KIAA1217: variants seen among roughly 807,000 people sequenced by gnomAD.
KIAA1217 encodes KIAA1217.
In KIAA1217, 88 loss-of-function variants were observed where a neutral mutation model predicts 163.9. The observed-to-expected ratio is 0.54, with a 90% CI of 0.45 to 0.64. The LOEUF is 0.64. KIAA1217 is among the 30% of genes least tolerant of loss of function. The probability of loss-of-function intolerance (pLI) is 0.00; values close to 1 mark genes in which losing one functional copy is unlikely to be tolerated. For missense variants in KIAA1217, 2,372 were observed against 2,475.0 expected, an observed-to-expected ratio of 0.96 and a Z score of 0.88; for synonymous variants, 903 against 923.1, an observed-to-expected ratio of 0.98 and a Z score of 0.39.
At chr10:23,745,668 G>C (rs142667013) in intron 1 of KIAA1217, among the ~76,000 whole-genome samples, 141 of 152,184 alleles carry the variant, frequency 9.3e-4, no homozygotes, top group African/African-American at 3.3e-3. Flanking sequence ...GCTTGTGAAG[G>C]CTATTTGTAA....
chr10:24,291,901 A>G (rs2079124828), intron 2 of KIAA1217, among the ~76,000 whole-genome samples: 1 of 152,216 alleles, frequency 6.6e-6, no homozygotes, highest in South Asian at 2.1e-4. Flanking sequence ...TCTCCCATAT[A>G]CACATGGGTC....
chr10:24,198,534 G>A (rs974926134), intron 2 of KIAA1217, among the ~76,000 whole-genome samples: 3 of 150,326 alleles, frequency 2.0e-5, no homozygotes, highest in East Asian at 2.0e-4. Context: ...GCTTGAACCC[G>A]AGAGGCAGAG....
intron 1 of KIAA1217, among the ~76,000 whole-genome samples, chr10:23,799,072 T>C (rs957461032): frequency 1.3e-5 from 2 of 152,158 alleles, no homozygotes; most frequent in Admixed American, 1.3e-4. Context: ...ATTTTTGGTG[T>C]TCCTTGGCTT....
chr10:24,224,984 G>T (rs960639838), intron 2 of KIAA1217, among the ~76,000 whole-genome samples: 2 of 151,680 alleles, frequency 1.3e-5, no homozygotes, highest in African/African-American at 2.4e-5. Flanking sequence ...CCACCACCAC[G>T]CCTAGCTAAT....
chr10:23,863,484 C>G (rs752567599), intron 1 of KIAA1217, among the ~76,000 whole-genome samples: 46 of 152,098 alleles, frequency 3.0e-4, no homozygotes, highest in Non-Finnish European at 5.9e-4. Context: ...ATCTTTTGCT[C>G]TTTTGCTCTT....
rs1329013735 is a variant in KIAA1217 at position 23,983,823 on chromosome 10, C to T, written c.-320-23402C>T. 2.0e-5 allele frequency among the ~76,000 whole-genome samples: 3 copies of T among 152,334 alleles called. No individual in the cohort carries two copies. The South Asian group carries it at 6.2e-4, about 32-fold the overall frequency. On this transcript the variant is annotated intron_variant, in intron 1 of 18. Coordinates refer to the KIAA1217 transcript ENST00000376462. ...TTCATCTTATCCCAAGAACAGGATCCAAGTCCTGAATCTCATGATTGACAT... is the reference window on the plus strand; with the variant it reads ...TTCATCTTATCCCAAGAACAGGATCTAAGTCCTGAATCTCATGATTGACAT...
chr10:24,317,972 A>G (rs2043617337), intron 2 of KIAA1217, among the ~76,000 whole-genome samples: 1 of 151,886 alleles, frequency 6.6e-6, no homozygotes, highest in South Asian at 2.1e-4. Context: ...CTGACTGGGT[A>G]TTGCTGTGAA....
At chr10:24,345,941 A>G (rs960059011) in intron 2 of KIAA1217, among the ~76,000 whole-genome samples, 1 of 152,138 alleles carries the variant, frequency 6.6e-6, no homozygotes, top group African/African-American at 2.4e-5. Flanking sequence ...CTGAAACTCT[A>G]TCCATTCAAC....
At chr10:23,829,524 G>A (rs1838071811) in intron 1 of KIAA1217, among the ~76,000 whole-genome samples, 1 of 152,138 alleles carries the variant, frequency 6.6e-6, no homozygotes, top group Admixed American at 6.6e-5. Context: ...TGATATATTT[G>A]CTCCTTTTTA....
intron 2 of KIAA1217, among the ~76,000 whole-genome samples, chr10:24,139,504 T>G (rs1252899334): frequency 6.6e-6 from 1 of 152,154 alleles, no homozygotes; most frequent in Non-Finnish European, 1.5e-5. Flanking sequence ...TTGTTAGAGT[T>G]TGCCTGCTTC....
In KIAA1217 at chr10:24,388,031, C is replaced by A. The variant is rs564155174; in HGVS notation, c.553+6964C>A. ...TCCCCATCAAGCTACCAATGACTTTCTTCACAGAATTGGAAAAGACTACTT... is the reference window on the plus strand; with the variant it reads ...TCCCCATCAAGCTACCAATGACTTTATTCACAGAATTGGAAAAGACTACTT... On this transcript the variant is annotated intron_variant, in intron 3 of 20. Coordinates refer to ENST00000376454, the MANE Select transcript of KIAA1217 (RefSeq NM_019590.5). 4.9e-3 allele frequency among the ~76,000 whole-genome samples: 739 copies of A among 152,310 alleles called. 2 individuals carry two copies. The highest frequency in any genetic ancestry group is 0.016 in the African/African-American group (683 of 41,580).
intron 1 of KIAA1217, among the ~76,000 whole-genome samples, chr10:23,876,699 G>T (rs922730508): frequency 2.0e-5 from 3 of 151,784 alleles, no homozygotes; most frequent in African/African-American, 7.2e-5. Context: ...CTTCTTTCTT[G>T]AAAAGCCATC....
At chr10:24,444,599 C>T (rs2060771892) in intron 5 of KIAA1217, among the ~76,000 whole-genome samples, 1 of 152,204 alleles carries the variant, frequency 6.6e-6, no homozygotes, top group South Asian at 2.1e-4. Context: ...AGTAAACACA[C>T]TTGTTAAACA....
chr10:24,260,800 A>C (rs902691762), intron 2 of KIAA1217, among the ~76,000 whole-genome samples: 1 of 152,082 alleles, frequency 6.6e-6, no homozygotes, highest in Admixed American at 6.6e-5. Flanking sequence ...TAACAGCTTC[A>C]TTTAGACATC....
In KIAA1217 at chr10:23,971,019, C is replaced by T. The variant is rs536607350; in HGVS notation, c.-320-36206C>T. Among the ~76,000 whole-genome samples, 7 of 152,282 alleles carry T rather than the reference C, an allele frequency of 4.6e-5. No individual in the cohort carries two copies. In the South Asian group the frequency reaches 1.0e-3, roughly 23 times the overall value. On this transcript the variant is annotated intron_variant, in intron 1 of 18. Transcript: ENST00000376462. Reference sequence around the variant, plus strand: ...AAAGTGCACTTGGAAGAGGGCCAAGCGGGCGCTTGAGAGATCAAGTGAATG... The same window carrying T: ...AAAGTGCACTTGGAAGAGGGCCAAGTGGGCGCTTGAGAGATCAAGTGAATG...
intron 1 of KIAA1217, among the ~76,000 whole-genome samples, chr10:23,868,484 TG>T (rs896240391): frequency 5.9e-5 from 9 of 152,104 alleles, no homozygotes; most frequent in African/African-American, 1.9e-4. Flanking sequence ...TGTATGGAGA[TG>T]TTTTTTTTTG....
chr10:24,016,424 A>G (rs1371264754), intron 2 of KIAA1217, among the ~76,000 whole-genome samples: 2 of 152,166 alleles, frequency 1.3e-5, no homozygotes, highest in Non-Finnish European at 2.9e-5. Context: ...TATACAAAGT[A>G]TACAAAGAAA....
chr10:24,464,853 A>C (rs2062780940), intron 5 of KIAA1217, among the ~76,000 whole-genome samples: 1 of 152,174 alleles, frequency 6.6e-6, no homozygotes, highest in African/African-American at 2.4e-5. Flanking sequence ...AGAGAGACAG[A>C]GAGTTCACTG....
At chr10:23,947,556 T>C (rs1844113641) in intron 1 of KIAA1217, among the ~76,000 whole-genome samples, 1 of 152,256 alleles carries the variant, frequency 6.6e-6, no homozygotes. Flanking sequence ...TTCATAATCT[T>C]TCCTCTCCTC....
Sources: allele counts gnomAD v4.1 joint callset (sites outside exome capture counted in the v4.1 genomes callset), GRCh38; gene constraint gnomAD v4.1.1; transcripts MANE v1.5; gene names NCBI Gene and HGNC (gene_info 2026-07-23, HGNC 2026-07-21).